Variants in CABLES1 observed in about 807,000 individuals in gnomAD.
CABLES1 encodes CDK5 and ABL1 enzyme substrate 1.
CABLES1 carries 36 observed loss-of-function variants against 57.8 expected under a neutral mutation model. The ratio of observed to expected loss-of-function variants is 0.62; its 90% confidence interval spans 0.48 to 0.82. The LOEUF (loss-of-function observed/expected upper bound fraction) is 0.82. CABLES1 is among the 40% of genes least tolerant of loss of function. CABLES1 has a pLI of 0.00. For missense variants in CABLES1, 767 were observed against 836.6 expected (o/e 0.92, Z 1.03); for synonymous variants, 374 against 363.0 (o/e 1.03, Z -0.35).
chr18:23,218,080 G>A (rs890401331), intron 4 of CABLES1, among the ~76,000 whole-genome samples: 3 of 152,182 alleles, frequency 2.0e-5, no homozygotes, highest in Non-Finnish European at 4.4e-5. Flanking sequence ...CCGATTAAGG[G>A]GCTAATGTGC....
chr18:23,194,587 C>A, intron 3 of CABLES1, 47 bp downstream of exon 3: 1 of 1,284,542 alleles, frequency 7.8e-7, no homozygotes, highest in Non-Finnish European at 1.1e-6. Context: ...TGGGTGGAGA[C>A]AGGGACTGGA....
At chr18:23,189,659 A>T (rs1057018848) in intron 2 of CABLES1, among the ~76,000 whole-genome samples, 4 of 152,166 alleles carry the variant, frequency 2.6e-5, no homozygotes, top group Admixed American at 2.0e-4. Flanking sequence ...GGGCATCGGG[A>T]GGAGGTGAGC....
chr18:23,244,448 G>A lies in CABLES1; in HGVS notation c.1446+7203G>A, dbSNP rs149192327. ...AGCAACAAATGCAGCCCCAGGCTGC[G>A]TAGGCTACCCGTTTATTTCCATAGT... On this transcript the variant is annotated intron_variant, in intron 7 of 9. Transcript: ENST00000256925. Among the ~76,000 whole-genome samples, 162 of 152,366 alleles carry A rather than the reference G, an allele frequency of 1.1e-3. 1 individual carries two copies. Among genetic ancestry groups the A allele is most frequent in the African/African-American group, 3.7e-3 (155 of 41,594 alleles).
At chr18:23,238,084 G>T (rs1009389429) in intron 7 of CABLES1, among the ~76,000 whole-genome samples, 1 of 152,248 alleles carries the variant, frequency 6.6e-6, no homozygotes, top group South Asian at 2.1e-4. Flanking sequence ...CGGCACAGCC[G>T]AGCGCTTCCT....
At chr18:23,176,311 T>A (rs1039480227) in intron 1 of CABLES1, among the ~76,000 whole-genome samples, 1 of 152,138 alleles carries the variant, frequency 6.6e-6, no homozygotes, top group African/African-American at 2.4e-5. Context: ...GCAACCTAGA[T>A]CCCTCGAGTG....
At chr18:23,145,671 T>C (rs1483454385) in intron 1 of CABLES1, among the ~76,000 whole-genome samples, 1 of 152,240 alleles carries the variant, frequency 6.6e-6, no homozygotes, top group Non-Finnish European at 1.5e-5. Flanking sequence ...TCATTAGCTA[T>C]TACCCTGTTT....
chr18:23,230,918 G>A (rs1050078177), intron 4 of CABLES1, among the ~76,000 whole-genome samples: 27 of 152,204 alleles, frequency 1.8e-4, no homozygotes, highest in African/African-American at 6.3e-4. Flanking sequence ...AAAAAGATCT[G>A]CTGCTCTGTG....
At chr18:23,227,211 A>G (rs527599496) in intron 4 of CABLES1, among the ~76,000 whole-genome samples, 2 of 152,206 alleles carry the variant, frequency 1.3e-5, no homozygotes, top group East Asian at 1.9e-4. Flanking sequence ...CTTCAAGCCT[A>G]AATGCTCCCT....
intron 1 of CABLES1, among the ~76,000 whole-genome samples, chr18:23,150,235 G>A (rs530619050): frequency 5.8e-4 from 79 of 136,856 alleles, no homozygotes; most frequent in African/African-American, 2.4e-3. Flanking sequence ...TTGAGACGGA[G>A]TCTTGCTCTG....
At chr18:23,251,476 G>T (rs17202479) in intron 7 of CABLES1, among the ~76,000 whole-genome samples, 5 of 152,082 alleles carry the variant, frequency 3.3e-5, no homozygotes, top group African/African-American at 1.2e-4. Context: ...AGATTATGGC[G>T]TGTAGTCAGC....
intron 1 of CABLES1, chr18:23,156,010 C>T: frequency 6.3e-7 from 1 of 1,594,202 alleles, no homozygotes; most frequent in African/African-American, 1.3e-5. Context: ...TTTTTTGGCT[C>T]CCCCCTTTGG....
At chr18:23,214,284 T>G (rs1165455535) in intron 4 of CABLES1, 2 of 455,334 alleles carry the variant, frequency 4.4e-6, no homozygotes, top group Non-Finnish European at 7.8e-6. Context: ...TCTTTCTAAA[T>G]CTACATTTTG....
chr18:23,189,044 TCTC>T, intron 2 of CABLES1, 135 bp downstream of exon 2: 1 of 616,708 alleles, frequency 1.6e-6, no homozygotes. Flanking sequence ...CTATGGGACA[TCTC>T]CTAGTGTCTA....
intron 1 of CABLES1, among the ~76,000 whole-genome samples, chr18:23,155,041 C>T (rs570736827): frequency 2.0e-5 from 3 of 152,144 alleles, no homozygotes; most frequent in Admixed American, 1.3e-4. Flanking sequence ...CCTGGCAGAT[C>T]GGAAGCAATA....
At chr18:23,186,420 CTTCTT>C (rs1161223417) in intron 1 of CABLES1, among the ~76,000 whole-genome samples, 1 of 150,178 alleles carries the variant, frequency 6.7e-6, no homozygotes, top group South Asian at 2.1e-4. Flanking sequence ...TTTCTTTTCT[CTTCTT>C]TTTTTTTTTT....
chr18:23,179,673 G>C (rs762542862), intron 1 of CABLES1, among the ~76,000 whole-genome samples: 3 of 152,236 alleles, frequency 2.0e-5, no homozygotes, highest in Non-Finnish European at 4.4e-5. Context: ...ACAAGCAGCT[G>C]CTGCCAGGTG....
rs2145148922 is a variant in CABLES1 at position 23,257,556 on chromosome 18, G to A, written c.*189G>A. ...GGTGTGTAGCCAAGAGGAGCCATGA[G>A]CTATGGACTCCTCAAGCACGGGAAG... On this transcript the variant is annotated 3_prime_UTR_variant, in exon 10 of 10. Transcript: ENST00000256925. 1.8e-6 allele frequency: 1 copy of A among 571,366 alleles called. No homozygotes were observed. 35.4% of individuals were successfully genotyped at this position (571,366 alleles called of 1,614,324 possible). A position where few individuals can be genotyped will look rare whatever the true frequency, so the allele number is the denominator to read the frequency against.
At chr18:23,191,906 T>TAAAAA (rs147984743) in intron 2 of CABLES1, among the ~76,000 whole-genome samples, 2 of 82,606 alleles carry the variant, frequency 2.4e-5, no homozygotes, top group African/African-American at 9.7e-5. Context: ...GTTGAATGCT[T>TAAAAA]AAAAAAAAAA....
intron 1 of CABLES1, among the ~76,000 whole-genome samples, chr18:23,167,361 G>GT (rs2144984719): frequency 6.6e-6 from 1 of 152,270 alleles, no homozygotes; most frequent in East Asian, 1.9e-4. Context: ...CTACAGGCCA[G>GT]TTTTTTCAAA....
Sources: gnomAD v4.1 joint callset for allele counts (sites outside exome capture counted in the v4.1 genomes callset) on GRCh38, gnomAD v4.1.1 for gene constraint, MANE v1.5 for transcripts, NCBI Gene and HGNC (gene_info 2026-07-23, HGNC 2026-07-21) for gene names.